NAV3: variants seen among roughly 807,000 people sequenced by gnomAD.
NAV3 encodes neuron navigator 3.
Under a neutral mutation model 244.7 loss-of-function variants are expected in NAV3, and 87 were observed. The observed-to-expected ratio is 0.36, with a 90% CI of 0.30 to 0.42. NAV3 has a LOEUF of 0.42. Among genes scored for constraint, NAV3 ranks in the 20% least tolerant of loss-of-function variants. NAV3 has a pLI of 1.00. For missense variants in NAV3, 2,663 were observed against 2,893.3 expected, an observed-to-expected ratio of 0.92 and a Z score of 1.83; for synonymous variants, 1,126 against 1,042.2, an observed-to-expected ratio of 1.08 and a Z score of -1.55.
At chr12:77,797,796 G>T (rs888097690) in intron 2 of NAV3, among the ~76,000 whole-genome samples, 1 of 151,016 alleles carries the variant, frequency 6.6e-6, no homozygotes, top group African/African-American at 2.4e-5. Context: ...CAAAGATTGT[G>T]CCACTGCACT....
chr12:77,591,822 CAT>C (rs1156404894), intron 2 of NAV3, among the ~76,000 whole-genome samples: 1 of 152,098 alleles, frequency 6.6e-6, no homozygotes, highest in Admixed American at 6.5e-5. Flanking sequence ...CTAATGTATA[CAT>C]ATATGTTTAA....
At chr12:77,941,861 G>T (rs1889902718) in intron 3 of NAV3, among the ~76,000 whole-genome samples, 1 of 152,122 alleles carries the variant, frequency 6.6e-6, no homozygotes, top group South Asian at 2.1e-4. Flanking sequence ...AGGAATGACA[G>T]CCGAAATCCA....
chr12:77,844,415 CA>C (rs1876264857), intron 1 of NAV3, among the ~76,000 whole-genome samples: 1 of 152,254 alleles, frequency 6.6e-6, no homozygotes, highest in East Asian at 1.9e-4. Flanking sequence ...GATTAAGTTT[CA>C]ACATATGAAT....
intron 13 of NAV3, 56 bp downstream of exon 13, chr12:78,116,960 TACTTAA>T: frequency 6.3e-7 from 1 of 1,590,606 alleles, no homozygotes; most frequent in African/African-American, 1.3e-5. Context: ...TCCCCAAAAT[TACTTAA>T]TATTAGATTA....
At chr12:77,841,653 T>G (rs1338674253) in intron 1 of NAV3, among the ~76,000 whole-genome samples, 1 of 152,208 alleles carries the variant, frequency 6.6e-6, no homozygotes, top group Non-Finnish European at 1.5e-5. Context: ...TTCCTGTGGC[T>G]GCTTTTATCC....
Position 78,119,758 on chromosome 12 carries a change from C to A in NAV3, c.3562C>A (p.Arg1188Ser). The change falls in exon 15 of 40, where the codon CGC (arginine) becomes AGC (serine). Residue 1188 changes from arginine (R) to serine (S), a missense_variant. Coordinates refer to ENST00000397909, the MANE Select transcript of NAV3 (RefSeq NM_001024383.2). ...LREPTKIGSG[R>S]SSPVTVNQTD... ...AGAACCAACTAAAATTGGGTCAGGG[C>A]GCTCGAGTCCTGTCACCGTCAACCA... is the stretch of plus-strand genomic sequence containing the variant. The A allele has an allele frequency of 1.2e-6, 2 of 1,613,950 alleles. No homozygotes were observed. The highest frequency in any genetic ancestry group is 8.5e-7 in the Non-Finnish European group (1 of 1,179,986).
chr12:78,026,498 A>G (rs1878079800), intron 9 of NAV3, among the ~76,000 whole-genome samples: 1 of 152,116 alleles, frequency 6.6e-6, no homozygotes, highest in Non-Finnish European at 1.5e-5. Flanking sequence ...TCTATTCATT[A>G]TAGTATATTT....
At chr12:77,827,377 T>C (rs1385710664), upstream of NAV3, among the ~76,000 whole-genome samples, 1 of 152,148 alleles carries the variant, frequency 6.6e-6, no homozygotes, top group Non-Finnish European at 1.5e-5. Context: ...TCTTACTCTT[T>C]CTTAAAAATC....
rs1269322414 is a variant in NAV3, at chr12:78,118,191, A to G, written c.2934A>G (p.Lys978=). Residue 978 remains lysine (K), a synonymous_variant, in exon 14 of 40, where the codon AAA becomes AAG. Transcript: ENST00000397909. ...AAGACCCCGAGAAGGCAGGGCAGAA[A>G]GCTTCCCTGTCTGTTTCACAGACAG... is the stretch of plus-strand genomic sequence containing the variant. The part of the protein sequence containing the change: ...LPEDPEKAGQ[K]ASLSVSQTGS... The G allele has an allele frequency of 6.2e-7, 1 of 1,613,920 alleles. No homozygotes were observed.
intron 12 of NAV3, among the ~76,000 whole-genome samples, chr12:78,077,237 A>G (rs1423897510): frequency 1.3e-5 from 2 of 152,312 alleles, no homozygotes; most frequent in African/African-American, 4.8e-5. Context: ...TAAAAATATA[A>G]AAGCTCAATA....
At chr12:77,907,422 C>G (rs1473442855) in intron 1 of NAV3, among the ~76,000 whole-genome samples, 2 of 152,120 alleles carry the variant, frequency 1.3e-5, no homozygotes, top group African/African-American at 4.8e-5. Context: ...TCTCATGTCT[C>G]AAGATCGAGC....
Position 78,203,633 on chromosome 12 carries a change from A to G in NAV3, c.6835-1302A>G, listed in dbSNP as rs567198034. 1.6e-4 allele frequency among the ~76,000 whole-genome samples: 24 copies of G among 152,146 alleles called. No homozygotes were observed. In the East Asian group the frequency reaches 4.3e-3, roughly 27 times the overall value. ...GTCCACCATTTTCCCTTTTGTCTTT[A>G]CTGAACCAAAACAAACTATACAAAA... On this transcript the variant is annotated intron_variant, in intron 38 of 39. Transcript: ENST00000397909.
At chr12:77,603,652 C>G (rs1337366161) in intron 2 of NAV3, among the ~76,000 whole-genome samples, 1 of 150,822 alleles carries the variant, frequency 6.6e-6, no homozygotes, top group African/African-American at 2.4e-5. Context: ...GATCTGCTTT[C>G]AGGTACTTTG....
intron 4 of NAV3, among the ~76,000 whole-genome samples, chr12:77,967,857 T>C (rs571416645): frequency 6.6e-6 from 1 of 152,294 alleles, no homozygotes; most frequent in Non-Finnish European, 1.5e-5. Flanking sequence ...TTTATTAATA[T>C]ATAGCATAAA....
rs1405252027 is a variant in NAV3, at chr12:78,006,780, T to G, written c.1242T>G (p.Asp414Glu). ...GACCTAGTGATGGTGGGAAGGATGATGATGCCTTTTCTGAATCTGGTGAAA... is the reference window on the plus strand; with the variant it reads ...GACCTAGTGATGGTGGGAAGGATGAGGATGCCTTTTCTGAATCTGGTGAAA... Reference protein sequence around the residue: ...SSGPSDGGKDDDAFSESGEME... With the variant: ...SSGPSDGGKDEDAFSESGEME... Residue 414 changes from aspartate to glutamate, a missense_variant, in exon 8 of 40, where the codon GAT becomes GAG. Asp to Glu is a conservative substitution (Grantham distance 45). This residue lies in a region of NAV3 where 1,521 missense variants were observed against 1,497.0 expected (regional missense o/e 1.02). Transcript: ENST00000397909. The G allele has an allele frequency of 1.2e-6, 2 of 1,614,202 alleles. No homozygotes were observed. The highest frequency in any genetic ancestry group is 3.3e-5 in the Admixed American group (2 of 60,028).
intron 1 of NAV3, among the ~76,000 whole-genome samples, chr12:77,924,343 C>T (rs1887989312): frequency 1.3e-5 from 2 of 151,988 alleles, no homozygotes; most frequent in African/African-American, 4.8e-5. Context: ...ATATCTAGTC[C>T]ATTTTTATCC....
chr12:77,796,757 C>T (rs1046824912), intron 2 of NAV3, among the ~76,000 whole-genome samples: 8 of 152,134 alleles, frequency 5.3e-5, no homozygotes, highest in Non-Finnish European at 1.0e-4. Flanking sequence ...AATACTGAGG[C>T]ACGACTTTAT....
At chr12:77,941,726 A>C (rs1418558925) in intron 3 of NAV3, among the ~76,000 whole-genome samples, 1 of 152,188 alleles carries the variant, frequency 6.6e-6, no homozygotes, top group East Asian at 1.9e-4. Flanking sequence ...TTTATAATAA[A>C]GTCAAAGAGT....
intron 2 of NAV3, among the ~76,000 whole-genome samples, chr12:77,686,328 G>T (rs2137136747): frequency 6.6e-6 from 1 of 151,940 alleles, no homozygotes. Context: ...CCTGACCTCA[G>T]GTGATCTGCT....
Sources: allele counts gnomAD v4.1 joint callset (sites outside exome capture counted in the v4.1 genomes callset), GRCh38; gene constraint gnomAD v4.1.1; regional missense constraint gnomAD v4.1.1; transcripts MANE v1.5; gene names NCBI Gene and HGNC (gene_info 2026-07-23, HGNC 2026-07-21).